ADCY2: variants seen among roughly 807,000 people sequenced by gnomAD.
ADCY2 encodes adenylate cyclase 2, also known as adenylate cyclase type 2.
In ADCY2, 31 loss-of-function variants were observed where a neutral mutation model predicts 125.2. The ratio of observed to expected loss-of-function variants is 0.25; its 90% CI spans 0.19 to 0.33. The LOEUF is 0.33. Ranked by LOEUF, ADCY2 falls within the 10% of genes least tolerant of loss-of-function variation. The pLI is 1.00. For missense variants in ADCY2, 904 were observed against 1,418.2 expected (o/e 0.64, Z 5.82); for synonymous variants, 512 against 548.4 (o/e 0.93, Z 0.93).
At chr5:7,497,416 C>G (rs1454834477) in intron 2 of ADCY2, among the ~76,000 whole-genome samples, 1 of 151,746 alleles carries the variant, frequency 6.6e-6, no homozygotes, top group African/African-American at 2.4e-5. Flanking sequence ...TTTGAGCCTT[C>G]AAAAAAAGTG....
chr5:7,668,045 G>A (rs942983572), intron 4 of ADCY2, among the ~76,000 whole-genome samples: 1 of 152,192 alleles, frequency 6.6e-6, no homozygotes, highest in Non-Finnish European at 1.5e-5. Flanking sequence ...TGAAAAATTA[G>A]TGAGGATGAG....
chr5:7,701,608 C>T (rs931711276), intron 7 of ADCY2, among the ~76,000 whole-genome samples: 2 of 152,172 alleles, frequency 1.3e-5, no homozygotes, highest in African/African-American at 4.8e-5. Context: ...ACCTTTTCAT[C>T]ACCCCAGACA....
chr5:7,820,711 G>A (rs1040923580), intron 24 of ADCY2, 22 bp downstream of exon 24: 14 of 1,606,812 alleles, frequency 8.7e-6, no homozygotes, highest in East Asian at 6.7e-5. Context: ...TGTGGTCTGC[G>A]CTGCCTGCAT....
At chr5:7,666,317 G>C (rs1008796742) in intron 4 of ADCY2, among the ~76,000 whole-genome samples, 10 of 151,868 alleles carry the variant, frequency 6.6e-5, no homozygotes, top group African/African-American at 2.4e-4. Context: ...CACCCAGGCT[G>C]GAGTGCAGTG....
At chr5:7,673,536 T>C (rs1220003842) in intron 4 of ADCY2, among the ~76,000 whole-genome samples, 1 of 152,022 alleles carries the variant, frequency 6.6e-6, no homozygotes, top group Non-Finnish European at 1.5e-5. Context: ...ACTGTGGGCA[T>C]TGGAGTTGGG....
chr5:7,717,451 T>C (rs1318500657), intron 12 of ADCY2, among the ~76,000 whole-genome samples: 2 of 152,164 alleles, frequency 1.3e-5, no homozygotes, highest in African/African-American at 4.8e-5. Context: ...TATTCCCAAG[T>C]TGATTGCTGA....
intron 3 of ADCY2, among the ~76,000 whole-genome samples, chr5:7,574,429 G>T (rs1300656149): frequency 6.6e-6 from 1 of 152,026 alleles, no homozygotes; most frequent in African/African-American, 2.4e-5. Context: ...AATGGCTAAA[G>T]AAATGTTTCC....
intron 17 of ADCY2, among the ~76,000 whole-genome samples, chr5:7,772,367 C>T (rs1014586509): frequency 3.3e-5 from 5 of 152,150 alleles, no homozygotes; most frequent in Non-Finnish European, 7.3e-5. Flanking sequence ...GTCAAACTCC[C>T]GGGGGGATTC....
At chr5:7,430,444 A>T (rs79571104) in intron 2 of ADCY2, among the ~76,000 whole-genome samples, 2,939 of 151,380 alleles carry the variant, frequency 0.019, 31 homozygotes, top group Non-Finnish European at 0.031. Flanking sequence ...CAAACATTCT[A>T]ACCAAAATTC....
chr5:7,698,433 C>G, intron 7 of ADCY2, 59 bp downstream of exon 7: 1 of 1,582,648 alleles, frequency 6.3e-7, no homozygotes, highest in Non-Finnish European at 8.7e-7. Context: ...GGTACATGTG[C>G]ACAACGTGCA....
chr5:7,639,940 G>A (rs896065972), intron 4 of ADCY2, among the ~76,000 whole-genome samples: 5 of 152,140 alleles, frequency 3.3e-5, no homozygotes, highest in Non-Finnish European at 7.4e-5. Context: ...AGTAGGGAGT[G>A]TAGACATGGA....
intron 2 of ADCY2, among the ~76,000 whole-genome samples, chr5:7,505,509 C>A (rs1189192350): frequency 2.0e-5 from 3 of 152,304 alleles, no homozygotes; most frequent in South Asian, 4.1e-4. Context: ...AGGCGACCAT[C>A]CCCCTGATGG....
intron 22 of ADCY2, 151 bp from the exon 23 acceptor site, chr5:7,816,715 G>A (rs1745123649): frequency 9.5e-6 from 6 of 631,034 alleles, no homozygotes; most frequent in Non-Finnish European, 1.4e-5. Context: ...CCTTGAGATG[G>A]GATTTGATTC....
At chr5:7,770,605 C>A (rs1743525383) in intron 17 of ADCY2, among the ~76,000 whole-genome samples, 1 of 152,130 alleles carries the variant, frequency 6.6e-6, no homozygotes, top group Non-Finnish European at 1.5e-5. Context: ...TGGGTGTTAT[C>A]ATCATCTTTA....
At chr5:7,587,316 C>A (rs971329778) in intron 3 of ADCY2, among the ~76,000 whole-genome samples, 1 of 152,170 alleles carries the variant, frequency 6.6e-6, no homozygotes, top group African/African-American at 2.4e-5. Context: ...TAATTGTTGT[C>A]CAGTGGCACT....
At chr5:7,561,536 A>T (rs1735707742) in intron 3 of ADCY2, among the ~76,000 whole-genome samples, 1 of 138,712 alleles carries the variant, frequency 7.2e-6, no homozygotes, top group East Asian at 1.9e-4. Flanking sequence ...AAACTTTCTT[A>T]TGCAGTGCAT....
chr5:7,546,114 GAC>G (rs1735139319), intron 3 of ADCY2, among the ~76,000 whole-genome samples: 1 of 152,106 alleles, frequency 6.6e-6, no homozygotes, highest in African/African-American at 2.4e-5. Context: ...TCCGTTAGGG[GAC>G]ACAAAATGTT....
At chr5:7,606,318 T>A (rs1437522949) in intron 3 of ADCY2, among the ~76,000 whole-genome samples, 1 of 151,950 alleles carries the variant, frequency 6.6e-6, no homozygotes, top group Non-Finnish European at 1.5e-5. Context: ...TATGGAAAAA[T>A]TTTTTTTAAA....
chr5:7,534,772 C>T lies in ADCY2; in HGVS notation c.570+13873C>T, dbSNP rs186177929. ...GAGAAGCAGAGCTAAGGCAGTGTGG[C>T]GGTGTCAGTGTCCCTGGACTTAAGT... On this transcript the variant is annotated intron_variant, in intron 3 of 24. Coordinates refer to ENST00000338316, the MANE Select transcript of ADCY2 (RefSeq NM_020546.3). Among the ~76,000 whole-genome samples, 350 of 152,304 alleles carry T rather than the reference C, an allele frequency of 2.3e-3. 1 individual carries two copies. The highest frequency in any genetic ancestry group is 7.9e-3 in the African/African-American group (330 of 41,566).
Sources: allele counts gnomAD v4.1 joint callset (sites outside exome capture counted in the v4.1 genomes callset), GRCh38; gene constraint gnomAD v4.1.1; transcripts MANE v1.5; gene names NCBI Gene and HGNC (gene_info 2026-07-23, HGNC 2026-07-21).